The following SHB variants were observed in gnomAD, a reference collection of about 807,000 sequenced individuals.
SHB encodes SH2 domain-containing adapter protein B.
A neutral mutation model predicts 52.3 loss-of-function variants in SHB; 20 were observed. That is an observed-to-expected ratio of 0.38 (90% CI 0.27 to 0.56). The LOEUF is 0.56. Among genes scored for constraint, SHB ranks in the 20% least tolerant of loss-of-function variants. The pLI is 0.71. For missense variants in SHB, 825 were observed against 723.3 expected (o/e 1.14, Z -1.61); for synonymous variants, 397 against 316.5 (o/e 1.25, Z -2.70).
chr9:38,015,493 C>T (rs1821198442), intron 2 of SHB: 2 of 702,008 alleles, frequency 2.8e-6, no homozygotes, highest in African/African-American at 1.7e-5. Context: ...GTCATGTAGA[C>T]CAGGGTTATT....
chr9:37,935,998 T>A (rs1337607087), intron 5 of SHB, among the ~76,000 whole-genome samples: 1 of 148,680 alleles, frequency 6.7e-6, no homozygotes, highest in Non-Finnish European at 1.5e-5. Flanking sequence ...ACGTCAGGAG[T>A]TCGAGACCAG....
chr9:38,010,825 G>C (rs1334016496), intron 2 of SHB, among the ~76,000 whole-genome samples: 1 of 152,218 alleles, frequency 6.6e-6, no homozygotes, highest in Non-Finnish European at 1.5e-5. Flanking sequence ...GCACTGCAGA[G>C]GGCCCAGGGA....
intron 5 of SHB, chr9:37,936,591 G>GA (rs1832374510): frequency 1.3e-5 from 2 of 152,322 alleles, no homozygotes; most frequent in South Asian, 4.1e-4. Context: ...AGCCAAGAAA[G>GA]GTTCCTAGCA....
intron 3 of SHB, among the ~76,000 whole-genome samples, chr9:37,970,140 C>T (rs1820574254): frequency 6.6e-6 from 1 of 152,222 alleles, no homozygotes; most frequent in African/African-American, 2.4e-5. Context: ...CCTGACTGGG[C>T]ATTGTCCTGG....
At chr9:37,940,640 G>T (rs1832424586) in intron 5 of SHB, among the ~76,000 whole-genome samples, 1 of 152,180 alleles carries the variant, frequency 6.6e-6, no homozygotes, top group East Asian at 1.9e-4. Context: ...AATGCTGCTA[G>T]CAAACAGCTT....
intron 1 of SHB, among the ~76,000 whole-genome samples, chr9:38,054,621 G>T (rs1174806363): frequency 6.6e-6 from 1 of 152,324 alleles, no homozygotes; most frequent in East Asian, 1.9e-4. Context: ...ATCTGGCTCT[G>T]TGGGCAGTGT....
At chr9:37,940,415 G>C (rs1832421710) in intron 5 of SHB, among the ~76,000 whole-genome samples, 2 of 152,230 alleles carry the variant, frequency 1.3e-5, no homozygotes, top group African/African-American at 4.8e-5. Flanking sequence ...AAGAGTGTTT[G>C]AGGAGTCTCT....
At chr9:38,026,290 G>T (rs1286996099) in intron 1 of SHB, among the ~76,000 whole-genome samples, 1 of 152,224 alleles carries the variant, frequency 6.6e-6, no homozygotes, top group Non-Finnish European at 1.5e-5. Context: ...TGCTTCCTGT[G>T]CTAGAAGCCA....
In SHB at chr9:37,971,583, G is replaced by A. The variant is rs1820590667; in HGVS notation, c.1054+3039C>T. ...CAGAACTGAGCCAAAAGCAGCTTGG[G>A]AAAAGCACAGCCAGCACCCGCCCTG... On this transcript the variant is annotated intron_variant, in intron 3 of 5. Coordinates refer to ENST00000377707, the MANE Select transcript of SHB (RefSeq NM_003028.3). Among the ~76,000 whole-genome samples, 4 of 152,308 alleles carry A rather than the reference G, an allele frequency of 2.6e-5. No individual in the cohort carries two copies. The South Asian group carries it at 8.3e-4, about 32-fold the overall frequency.
At chr9:38,056,821 T>C (rs1193972802) in intron 1 of SHB, among the ~76,000 whole-genome samples, 1 of 152,208 alleles carries the variant, frequency 6.6e-6, no homozygotes, top group Non-Finnish European at 1.5e-5. Flanking sequence ...AAAGAGTTCT[T>C]ACAAATCAAC....
chr9:38,018,303 G>A (rs1376518555), intron 1 of SHB, among the ~76,000 whole-genome samples: 1 of 152,134 alleles, frequency 6.6e-6, no homozygotes, highest in Admixed American at 6.5e-5. Context: ...AGGAGTTCTG[G>A]AAGGACTGTG....
intron 3 of SHB, among the ~76,000 whole-genome samples, chr9:37,963,650 G>A (rs1193210977): frequency 6.6e-6 from 1 of 152,158 alleles, no homozygotes; most frequent in Non-Finnish European, 1.5e-5. Context: ...AGAGTGGGGA[G>A]AGCTGAGGTG....
chr9:37,973,537 T>G (rs1417887235), intron 3 of SHB, among the ~76,000 whole-genome samples: 1 of 152,236 alleles, frequency 6.6e-6, no homozygotes, highest in Non-Finnish European at 1.5e-5. Context: ...GAATTTTTTA[T>G]CATAACTTTG....
chr9:37,994,260 T>C (rs1042723149), intron 2 of SHB, among the ~76,000 whole-genome samples: 1 of 152,242 alleles, frequency 6.6e-6, no homozygotes, highest in Non-Finnish European at 1.5e-5. Flanking sequence ...TTCTCTCTGC[T>C]TCCAGCTCCT....
intron 1 of SHB, among the ~76,000 whole-genome samples, chr9:38,055,134 G>C (rs1281717091): frequency 3.9e-5 from 6 of 152,214 alleles, no homozygotes; most frequent in African/African-American, 1.4e-4. Flanking sequence ...TGCCAGGACT[G>C]GTCCTGGGTT....
chr9:37,997,486 G>A (rs1251271027), intron 2 of SHB, among the ~76,000 whole-genome samples: 1 of 152,166 alleles, frequency 6.6e-6, no homozygotes, highest in Non-Finnish European at 1.5e-5. Flanking sequence ...CTGAGTGATC[G>A]AAATACCTCT....
At chr9:37,942,031 A>G (rs1236053893) in intron 5 of SHB, among the ~76,000 whole-genome samples, 1 of 152,254 alleles carries the variant, frequency 6.6e-6, no homozygotes, top group East Asian at 1.9e-4. Context: ...CTGGACCCAG[A>G]CATGCCTACT....
intron 1 of SHB, among the ~76,000 whole-genome samples, chr9:38,021,348 A>T (rs889365557): frequency 6.6e-6 from 1 of 151,314 alleles, no homozygotes; most frequent in Non-Finnish European, 1.5e-5. Flanking sequence ...CTCAAAAAAT[A>T]AAAATAAAAT....
Position 37,995,387 on chromosome 9 carries a change from C to A in SHB, c.839-20550G>T, listed in dbSNP as rs1304490447. On this transcript the variant is annotated intron_variant, in intron 2 of 5. Coordinates refer to ENST00000377707, the MANE Select transcript of SHB (RefSeq NM_003028.3). ...CGCGAGCCCTCCTCTGCTGTGTATA[C>A]CTGCTGGCCTCTGGGCCTGATATTC... is the stretch of plus-strand genomic sequence containing the variant. Among the ~76,000 whole-genome samples, 5 of 143,464 alleles carry A rather than the reference C, an allele frequency of 3.5e-5. No homozygotes were observed. The East Asian group carries it at 1.2e-3, about 34-fold the overall frequency. 94.1% of individuals were successfully genotyped at this position (143,464 alleles called of 152,430 possible).
Sources: gnomAD v4.1 joint callset for allele counts (sites outside exome capture counted in the v4.1 genomes callset) on GRCh38, gnomAD v4.1.1 for gene constraint, MANE v1.5 for transcripts, NCBI Gene and HGNC (gene_info 2026-07-23, HGNC 2026-07-21) for gene names.